EYS: variants seen among roughly 807,000 people sequenced by gnomAD.
EYS encodes EGF-like photoreceptor maintenance factor, also known as protein eyes shut homolog.
Under a neutral mutation model 282.1 loss-of-function variants are expected in EYS, and 250 were observed. That is an observed-to-expected ratio of 0.89 (90% CI 0.80 to 0.98). EYS has a LOEUF of 0.98. Ranked by LOEUF, EYS falls within the 50% of genes least tolerant of loss-of-function variation. The probability of loss-of-function intolerance (pLI) is 0.00; values close to 1 mark genes in which losing one functional copy is unlikely to be tolerated. For synonymous variants in EYS, 1,355 were observed against 1,282.9 expected (o/e 1.06, Z -1.20); for missense variants, 4,016 against 3,709.0 (o/e 1.08, Z -2.15).
intron 26 of EYS, among the ~76,000 whole-genome samples, chr6:64,535,881 A>G (rs1764502512): frequency 6.6e-6 from 1 of 152,162 alleles, no homozygotes; most frequent in South Asian, 2.1e-4. Flanking sequence ...TTAAATGTCA[A>G]TATTAAGTTC....
chr6:65,479,248 G>C (rs1213206528), intron 5 of EYS, among the ~76,000 whole-genome samples: 1 of 152,116 alleles, frequency 6.6e-6, no homozygotes, highest in African/African-American at 2.4e-5. Context: ...AGACATTTTG[G>C]CAAATAACTC....
chr6:63,879,084 T>C (rs1234007388), intron 35 of EYS, among the ~76,000 whole-genome samples: 1 of 152,188 alleles, frequency 6.6e-6, no homozygotes, highest in South Asian at 2.1e-4. Context: ...TATTTGTCCA[T>C]CTGGGAACCT....
intron 2 of EYS, among the ~76,000 whole-genome samples, chr6:65,533,536 G>C (rs1470411327): frequency 6.6e-6 from 1 of 152,078 alleles, no homozygotes; most frequent in Non-Finnish European, 1.5e-5. Flanking sequence ...AATAAAAAAA[G>C]AGAATTTTAG....
At chr6:64,054,242 G>A (rs1364251590) in intron 33 of EYS, among the ~76,000 whole-genome samples, 1 of 152,168 alleles carries the variant, frequency 6.6e-6, no homozygotes, top group Non-Finnish European at 1.5e-5. Flanking sequence ...GCTGGGAATT[G>A]ACAGCAAAGG....
intron 11 of EYS, among the ~76,000 whole-genome samples, chr6:65,311,099 A>G (rs1233711636): frequency 6.6e-6 from 1 of 152,158 alleles, no homozygotes; most frequent in Non-Finnish European, 1.5e-5. Context: ...AAATAAGTAT[A>G]TCTATAAATA....
rs374094117 is a variant in EYS, at chr6:65,582,328, T to G, written c.-333+57450A>C. Among the ~76,000 whole-genome samples, 5 of 152,256 alleles carry G rather than the reference T, an allele frequency of 3.3e-5. No homozygotes were observed. The East Asian group carries it at 7.7e-4, about 24-fold the overall frequency. On this transcript the variant is annotated intron_variant, in intron 2 of 42. Transcript: ENST00000503581. ...ATAGGGAATACTTTATATTACTTCA[T>G]GAATTTCTGGAGTTATGTATTAAGA... is the stretch of plus-strand genomic sequence containing the variant.
At chr6:64,651,902 T>G (rs1051640400) in intron 22 of EYS, among the ~76,000 whole-genome samples, 2 of 152,198 alleles carry the variant, frequency 1.3e-5, no homozygotes, top group African/African-American at 4.8e-5. Flanking sequence ...TTTATCATAT[T>G]GCTTATCAAA....
chr6:64,991,477 T>C (rs569134169), intron 14 of EYS, among the ~76,000 whole-genome samples: 2 of 151,740 alleles, frequency 1.3e-5, no homozygotes, highest in East Asian at 3.9e-4. Flanking sequence ...CTTTTGGATA[T>C]CATAATAATC....
chr6:65,566,142 G>C (rs554201428), intron 2 of EYS, among the ~76,000 whole-genome samples: 7 of 151,848 alleles, frequency 4.6e-5, no homozygotes, highest in African/African-American at 1.4e-4. Context: ...GGCCAGTAAA[G>C]GGCAAAATGT....
intron 22 of EYS, among the ~76,000 whole-genome samples, chr6:64,768,005 C>A (rs919121440): frequency 6.6e-6 from 1 of 151,664 alleles, no homozygotes; most frequent in Non-Finnish European, 1.5e-5. Flanking sequence ...TACCTTATTG[C>A]GATTTTGATT....
intron 2 of EYS, among the ~76,000 whole-genome samples, chr6:65,554,223 A>G (rs1194673134): frequency 1.3e-5 from 2 of 152,190 alleles, no homozygotes; most frequent in African/African-American, 4.8e-5. Context: ...TACTTGTTAT[A>G]GTAGCCCACA....
At chr6:64,950,798 C>CATATATATATATATATATATATATAT (rs1171736217) in intron 14 of EYS, among the ~76,000 whole-genome samples, 2 of 54,232 alleles carry the variant, frequency 3.7e-5, no homozygotes, top group Non-Finnish European at 3.3e-5. Context: ...TATACATATA[C>CATATATATATATATATATATATATAT]ATATATATAT....
At chr6:64,819,575 C>T (rs935345910) in intron 21 of EYS, among the ~76,000 whole-genome samples, 1 of 151,714 alleles carries the variant, frequency 6.6e-6, no homozygotes, top group Admixed American at 6.6e-5. Context: ...AGATTCCTAG[C>T]TTTTATCAAT....
At chr6:65,606,318 A>T (rs544684329) in intron 2 of EYS, among the ~76,000 whole-genome samples, 1 of 151,980 alleles carries the variant, frequency 6.6e-6, no homozygotes, top group South Asian at 2.1e-4. Flanking sequence ...ATATTTACTT[A>T]CTACATATTC....
intron 31 of EYS, among the ~76,000 whole-genome samples, chr6:64,088,152 C>A (rs889092969): frequency 2.0e-5 from 3 of 152,048 alleles, no homozygotes; most frequent in Non-Finnish European, 4.4e-5. Context: ...AAAAACAGAA[C>A]TGCCCTGAAT....
chr6:63,880,521 A>ATCTG (rs2149718412), intron 35 of EYS, among the ~76,000 whole-genome samples: 1 of 151,934 alleles, frequency 6.6e-6, no homozygotes, highest in East Asian at 1.9e-4. Flanking sequence ...CTATCTATCT[A>ATCTG]TCTATCTATT....
At chr6:64,432,318 G>C (rs909544833) in intron 28 of EYS, among the ~76,000 whole-genome samples, 1 of 151,736 alleles carries the variant, frequency 6.6e-6, no homozygotes, top group African/African-American at 2.4e-5. Flanking sequence ...AAAATTAATG[G>C]CAGTATTTTT....
chr6:65,053,284 C>G (rs1187941859), intron 13 of EYS, among the ~76,000 whole-genome samples: 1 of 151,738 alleles, frequency 6.6e-6, no homozygotes, highest in South Asian at 2.1e-4. Context: ...CAGAAAAACA[C>G]TCAAGGTGCC....
chr6:63,979,079 A>G (rs1178907513), intron 35 of EYS, among the ~76,000 whole-genome samples: 1 of 151,964 alleles, frequency 6.6e-6, no homozygotes, highest in Non-Finnish European at 1.5e-5. Context: ...GTCTAGCTCA[A>G]TTAGTTGAAT....
Sources: allele counts gnomAD v4.1 joint callset (sites outside exome capture counted in the v4.1 genomes callset), GRCh38; gene constraint gnomAD v4.1.1; transcripts MANE v1.5; gene names NCBI Gene and HGNC (gene_info 2026-07-23, HGNC 2026-07-21).